The following DENND5A variants were observed in gnomAD, a reference collection of about 807,000 sequenced individuals.
The protein encoded by DENND5A is DENN domain containing 5A, also known as DENN domain-containing protein 5A.
A neutral mutation model predicts 140.3 loss-of-function variants in DENND5A; 64 were observed. The ratio of observed to expected loss-of-function variants is 0.46; its 90% confidence interval spans 0.37 to 0.56. The LOEUF is 0.56. DENND5A is among the 20% of genes least tolerant of loss of function. The pLI is 0.00. For missense variants in DENND5A, 1,292 were observed against 1,593.8 expected (o/e 0.81, Z 3.22); for synonymous variants, 605 against 607.7 (o/e 1.00, Z 0.07).
At chr11:9,195,072 T>C (rs1248725103) in intron 4 of DENND5A, among the ~76,000 whole-genome samples, 2 of 144,580 alleles carry the variant, frequency 1.4e-5, no homozygotes, top group African/African-American at 5.1e-5. Context: ...GCCAATAAAA[T>C]TGACTAGTTA....
chr11:9,227,667 T>C (rs902250836), intron 1 of DENND5A, among the ~76,000 whole-genome samples: 8 of 152,032 alleles, frequency 5.3e-5, no homozygotes, highest in African/African-American at 1.9e-4. Flanking sequence ...CTGTGAAAAA[T>C]GCATATTTGG....
At chr11:9,184,211 G>A (rs1035974755) in intron 5 of DENND5A, among the ~76,000 whole-genome samples, 4 of 152,034 alleles carry the variant, frequency 2.6e-5, no homozygotes, top group Non-Finnish European at 5.9e-5. Flanking sequence ...AAATTAGCCG[G>A]GCGTGGTGGC....
intron 1 of DENND5A, among the ~76,000 whole-genome samples, chr11:9,257,672 C>CG (rs1231188850): frequency 1.3e-5 from 2 of 151,334 alleles, no homozygotes; most frequent in East Asian, 3.9e-4. Context: ...TTAGTAGAGA[C>CG]AGGGTTTCAC....
At chr11:9,210,370 C>T (rs1849835152) in intron 1 of DENND5A, among the ~76,000 whole-genome samples, 1 of 152,150 alleles carries the variant, frequency 6.6e-6, no homozygotes, top group African/African-American at 2.4e-5. Flanking sequence ...TTTCCAAGAA[C>T]AATTTCAAAA....
intron 4 of DENND5A, among the ~76,000 whole-genome samples, chr11:9,198,538 G>T (rs556275189): frequency 4.0e-4 from 61 of 151,900 alleles, no homozygotes; most frequent in South Asian, 3.9e-3. Context: ...TTGAACTCAG[G>T]AGACAGAGGT....
chr11:9,145,834 A>G lies in DENND5A; in HGVS notation c.2858-19T>C, dbSNP rs747612958. On this transcript the variant is annotated intron_variant, in intron 16 of 22. Transcript: ENST00000328194. ...GGGATCACTGTTTAGGGGAAGCCAC[A>G]AAAGTATTGAGGAGAATTAGGAATC... The G allele has an allele frequency of 5.0e-6, 8 of 1,613,918 alleles. No homozygotes were observed. The highest frequency in any genetic ancestry group is 2.2e-5 in the South Asian group (2 of 91,048).
intron 10 of DENND5A, among the ~76,000 whole-genome samples, chr11:9,167,728 T>G (rs1294812343): frequency 6.6e-6 from 1 of 152,022 alleles, no homozygotes; most frequent in East Asian, 1.9e-4. Context: ...ACCTGAGCCT[T>G]GGAGGCAGAG....
intron 5 of DENND5A, among the ~76,000 whole-genome samples, chr11:9,188,212 CTG>C (rs1254208566): frequency 1.3e-5 from 2 of 152,166 alleles, no homozygotes; most frequent in African/African-American, 4.8e-5. Context: ...GGGAGTTTCC[CTG>C]CAGAAGCTCT....
chr11:9,263,188 T>G (rs1852283653), intron 1 of DENND5A, among the ~76,000 whole-genome samples: 6 of 152,034 alleles, frequency 3.9e-5, no homozygotes, highest in Admixed American at 3.3e-4. Flanking sequence ...AAGCATGAAT[T>G]TATCATGCTT....
At chr11:9,140,577 T>C (rs549407329) in intron 22 of DENND5A, among the ~76,000 whole-genome samples, 44 of 152,290 alleles carry the variant, frequency 2.9e-4, no homozygotes, top group African/African-American at 1.1e-3. Flanking sequence ...ATGAAACAAC[T>C]TTGTACTAAT....
chr11:9,236,930 A>G (rs1365553259), intron 1 of DENND5A, among the ~76,000 whole-genome samples: 1 of 152,224 alleles, frequency 6.6e-6, no homozygotes, highest in Non-Finnish European at 1.5e-5. Flanking sequence ...TTTAATGCAC[A>G]GAAATATATT....
intron 1 of DENND5A, among the ~76,000 whole-genome samples, chr11:9,235,013 C>T (rs768716087): frequency 2.6e-5 from 4 of 152,118 alleles, no homozygotes; most frequent in Admixed American, 2.0e-4. Flanking sequence ...AGCTGGCATC[C>T]GCAAACCTGA....
chr11:9,154,026 C>A (rs976885657), intron 12 of DENND5A, among the ~76,000 whole-genome samples: 3 of 152,130 alleles, frequency 2.0e-5, no homozygotes, highest in African/African-American at 7.2e-5. Flanking sequence ...TGTTCCCATG[C>A]AGATAATAAA....
intron 1 of DENND5A, among the ~76,000 whole-genome samples, chr11:9,257,275 C>T (rs189273040): frequency 3.1e-4 from 47 of 151,582 alleles, no homozygotes; most frequent in Non-Finnish European, 1.5e-4. Context: ...GGATTATAGG[C>T]GTGAGCAACC....
At chr11:9,169,594 T>C (rs1008067876) in intron 10 of DENND5A, among the ~76,000 whole-genome samples, 6 of 152,116 alleles carry the variant, frequency 3.9e-5, no homozygotes, top group East Asian at 1.9e-4. Context: ...GAGGTTCCTA[T>C]TGAACTCCTC....
chr11:9,178,971 A>C lies in DENND5A; in HGVS notation c.1558T>G (p.Phe520Val). The C allele has an allele frequency of 3.1e-6, 5 of 1,614,152 alleles. No individual in the cohort carries two copies. Among genetic ancestry groups the C allele is most frequent in the Non-Finnish European group, 4.2e-6 (5 of 1,180,012 alleles). ...AACATCTGAGTGAAACGATTTGCAA[A>C]AACTTCCCGGATCTGAATGTTTAGC... ...YQLNIQIREVFANRFTQMFAD... is the reference protein window; with the variant it reads ...YQLNIQIREVVANRFTQMFAD... Residue 520 changes from phenylalanine (F) to valine (V), a missense_variant, in exon 7 of 23, where the codon TTT (phenylalanine) becomes GTT (valine). Around this residue, in one of 4 missense-constraint regions of DENND5A, gnomAD observed 566 missense variants for 650.4 expected, o/e 0.87. Transcript: ENST00000328194.
intron 10 of DENND5A, among the ~76,000 whole-genome samples, chr11:9,167,835 T>C (rs1052442920): frequency 2.0e-5 from 3 of 152,068 alleles, no homozygotes; most frequent in African/African-American, 7.2e-5. Context: ...AACAATCCCA[T>C]CATTCTCTAA....
chr11:9,214,749 A>C (rs1850021122), intron 1 of DENND5A, among the ~76,000 whole-genome samples: 1 of 152,160 alleles, frequency 6.6e-6, no homozygotes, highest in South Asian at 2.1e-4. Context: ...TTTGAGACGG[A>C]GTCTCGCTCT....
At chr11:9,190,383 A>G (rs917289537) in intron 5 of DENND5A, among the ~76,000 whole-genome samples, 2 of 152,070 alleles carry the variant, frequency 1.3e-5, no homozygotes, top group African/African-American at 4.8e-5. Flanking sequence ...TGAGGTACCC[A>G]GTAGGGGGTA....
Sources: allele counts gnomAD v4.1 joint callset (sites outside exome capture counted in the v4.1 genomes callset), GRCh38; gene constraint gnomAD v4.1.1; regional missense constraint gnomAD v4.1.1; transcripts MANE v1.5; gene names NCBI Gene and HGNC (gene_info 2026-07-23, HGNC 2026-07-21).